Variants in TRPC5 observed in about 807,000 individuals in gnomAD.
TRPC5 encodes the protein short transient receptor potential channel 5.
A neutral mutation model predicts 56.5 loss-of-function variants in TRPC5; 9 were observed. The observed-to-expected ratio is 0.16, with a 90% confidence interval of 0.10 to 0.28. The LOEUF (loss-of-function observed/expected upper bound fraction) is 0.28. Among genes scored for constraint, TRPC5 ranks in the 10% least tolerant of loss-of-function variants. The pLI, the probability that TRPC5 is intolerant of heterozygous loss-of-function variation, is 1.00. For synonymous variants in TRPC5, 282 were observed against 278.5 expected, an observed-to-expected ratio of 1.01 and a Z score of -0.13; for missense variants, 469 against 748.9, an observed-to-expected ratio of 0.63 and a Z score of 4.36.
chrX:112,046,729 G>A lies in TRPC5; in HGVS notation c.-22+35150C>T, dbSNP rs181974623. 2.0e-4 allele frequency among the ~76,000 whole-genome samples: 22 copies of A among 111,422 alleles called. 2 individuals are homozygous for A. The Admixed American group carries it at 2.1e-3, about 11-fold the overall frequency. On this transcript the variant is annotated intron_variant, in intron 1 of 10. Transcript: ENST00000262839. The stretch of plus-strand genomic sequence containing the variant: ...ACTATGCTGCCTAGAAAAGGGAAAT[G>A]ATGCATACAATTTAGAGAAATATGT...
intron 7 of TRPC5, among the ~76,000 whole-genome samples, chrX:111,788,288 CAT>C (rs1384132904): frequency 9.0e-6 from 1 of 111,683 alleles, no homozygotes; most frequent in Non-Finnish European, 1.9e-5. Context: ...CAATGCATCA[CAT>C]AAACAGAACC....
Position 112,068,922 on chromosome X carries a change from C to T in TRPC5, c.-22+12957G>A, listed in dbSNP as rs754332158. ...TACACACAGTATCTTGTAGGATCAG[C>T]CAAGTCTACCTTAAACTGAGAAGAA... On this transcript the variant is annotated intron_variant, in intron 1 of 10. Transcript: ENST00000262839. 6.3e-5 allele frequency among the ~76,000 whole-genome samples: 7 copies of T among 111,773 alleles called. No homozygotes were observed. The South Asian group carries it at 2.3e-3, about 37-fold the overall frequency.
At chrX:112,070,434 C>T (rs1217868125) in intron 1 of TRPC5, among the ~76,000 whole-genome samples, 1 of 111,122 alleles carries the variant, frequency 9.0e-6, no homozygotes, top group Non-Finnish European at 1.9e-5. Flanking sequence ...TCTGAAAGTT[C>T]CATAGCCAGT....
chrX:112,023,966 G>C (rs904218151), intron 1 of TRPC5, among the ~76,000 whole-genome samples: 3 of 111,329 alleles, frequency 2.7e-5, no homozygotes, highest in Non-Finnish European at 5.6e-5. Flanking sequence ...TATAGAGTTA[G>C]GGAAATGGTG....
intron 3 of TRPC5, among the ~76,000 whole-genome samples, chrX:111,865,516 CAG>C (rs1490989964): frequency 9.1e-6 from 1 of 109,321 alleles, no homozygotes; most frequent in Non-Finnish European, 1.9e-5. Flanking sequence ...TTAGTAGAGA[CAG>C]GGTTTCACCA....
intron 1 of TRPC5, among the ~76,000 whole-genome samples, chrX:111,969,409 C>T (rs1927717989): frequency 8.9e-6 from 1 of 111,982 alleles, no homozygotes; most frequent in South Asian, 3.7e-4. Context: ...CTTGTATAAA[C>T]ATTTGACCAT....
intron 1 of TRPC5, among the ~76,000 whole-genome samples, chrX:111,992,680 G>A (rs910471508): frequency 9.1e-6 from 1 of 109,392 alleles, no homozygotes; most frequent in Non-Finnish European, 1.9e-5. Context: ...TCAGCTCACT[G>A]TAACTTCTGA....
intron 3 of TRPC5, among the ~76,000 whole-genome samples, chrX:111,883,352 G>A (rs953252794): frequency 4.4e-5 from 5 of 112,398 alleles, no homozygotes; most frequent in African/African-American, 1.6e-4. Context: ...TGCCTAGTCA[G>A]CCCAGTTAAG....
chrX:111,950,523 G>T (rs192044913), intron 2 of TRPC5, among the ~76,000 whole-genome samples: 1 of 111,075 alleles, frequency 9.0e-6, no homozygotes, highest in Non-Finnish European at 1.9e-5. Context: ...AGGATGGGAA[G>T]GGGGAGAGGA....
At chrX:111,848,932 C>T (rs902106667) in intron 5 of TRPC5, among the ~76,000 whole-genome samples, 3 of 111,931 alleles carry the variant, frequency 2.7e-5, no homozygotes, top group African/African-American at 9.8e-5. Context: ...CACAGCAAGT[C>T]GGTGGCAGAG....
Position 111,847,082 on chromosome X carries a change from ATAAAT to A in TRPC5, c.1700+27_1700+31del, listed in dbSNP as rs1225053675. ...GGCGGAAAAAATGGCAAAAAAAAAA[ATAAAT>A]AAATAAAGGAAAGGGGATCGTCTTA... is the stretch of plus-strand genomic sequence containing the variant. On this transcript the variant is annotated intron_variant, in intron 6 of 10. Transcript: ENST00000262839. 4.3e-6 allele frequency: 5 copies of A among 1,152,020 alleles called. No homozygotes were observed. The African/African-American group carries it at 9.2e-5, about 21-fold the overall frequency. The allele number at this position is 1,152,020 out of a possible 1,213,427, so 94.9% of individuals were successfully genotyped here.
At chrX:111,982,041 GCT>G (rs1928096385) in intron 1 of TRPC5, among the ~76,000 whole-genome samples, 2 of 111,044 alleles carry the variant, frequency 1.8e-5, no homozygotes, top group South Asian at 3.9e-4. Flanking sequence ...CCTCGCTCTT[GCT>G]CTCTCTTTCC....
intron 3 of TRPC5, among the ~76,000 whole-genome samples, chrX:111,900,045 T>G (rs1925263965): frequency 9.0e-6 from 1 of 111,033 alleles, no homozygotes; most frequent in African/African-American, 3.3e-5. Context: ...TTAGGCTAAG[T>G]GGAGATACTA....
chrX:111,795,587 G>A (rs1177141971), intron 7 of TRPC5, among the ~76,000 whole-genome samples: 2 of 110,958 alleles, frequency 1.8e-5, no homozygotes, highest in African/African-American at 6.5e-5. Context: ...AAAATTAGTT[G>A]TTGTCATATT....
Position 111,776,167 on chromosome X carries a change from G to A in TRPC5, c.*146C>T. ...TAAAACAAGAACAAAAATGGAGAAT[G>A]TGGCTATAAAAGATGGTGCAAATAA... is the stretch of plus-strand genomic sequence containing the variant. On this transcript the variant is annotated 3_prime_UTR_variant, in exon 11 of 11. Transcript: ENST00000262839. 1.9e-6 allele frequency: 1 copy of A among 518,514 alleles called. No homozygotes were observed. Among genetic ancestry groups the A allele is most frequent in the Non-Finnish European group, 3.0e-6 (1 of 335,799 alleles). The allele number at this position is 518,514 out of a possible 1,213,427, so 42.7% of individuals were successfully genotyped here. A position where few individuals can be genotyped will look rare whatever the true frequency, so the allele number is the denominator to read the frequency against.
intron 7 of TRPC5, among the ~76,000 whole-genome samples, chrX:111,807,878 C>A (rs1344991124): frequency 2.7e-5 from 3 of 111,506 alleles, no homozygotes; most frequent in Non-Finnish European, 5.6e-5. Flanking sequence ...TGGAAGAATT[C>A]TCTGGATTAT....
chrX:111,954,953 C>A (rs375799299), intron 1 of TRPC5, among the ~76,000 whole-genome samples: 145 of 112,067 alleles, frequency 1.3e-3, no homozygotes, highest in African/African-American at 4.5e-3. Context: ...GTGCCAGGTA[C>A]TGGAGTGGCA....
At chrX:112,007,120 T>C (rs192639300) in intron 1 of TRPC5, among the ~76,000 whole-genome samples, 86 of 110,844 alleles carry the variant, frequency 7.8e-4, no homozygotes, top group Non-Finnish European at 4.0e-4. Flanking sequence ...CTAGGAATAA[T>C]AGGATGGAAA....
intron 7 of TRPC5, among the ~76,000 whole-genome samples, chrX:111,820,256 C>T (rs1921990394): frequency 1.8e-5 from 2 of 111,643 alleles, no homozygotes; most frequent in South Asian, 7.6e-4. Flanking sequence ...TGAGTATCTT[C>T]TATATGTGCC....
Sources: gnomAD v4.1 joint callset for allele counts (sites outside exome capture counted in the v4.1 genomes callset) on GRCh38, gnomAD v4.1.1 for gene constraint, MANE v1.5 for transcripts, NCBI Gene and HGNC (gene_info 2026-07-23, HGNC 2026-07-21) for gene names.